TNRC6A: variants seen among roughly 807,000 people sequenced by gnomAD.
TNRC6A encodes the protein trinucleotide repeat-containing gene 6A protein.
Under a neutral mutation model 221.2 loss-of-function variants are expected in TNRC6A, and 44 were observed. The ratio of observed to expected loss-of-function variants is 0.20; its 90% CI spans 0.16 to 0.26. The LOEUF is 0.26. TNRC6A is among the 10% of genes least tolerant of loss of function. The pLI, the probability that TNRC6A is intolerant of heterozygous loss-of-function variation, is 1.00. For synonymous variants in TNRC6A, 847 were observed against 838.5 expected (o/e 1.01, Z -0.18); for missense variants, 2,199 against 2,404.4 (o/e 0.91, Z 1.79).
intron 1 of TNRC6A, among the ~76,000 whole-genome samples, chr16:24,640,294 G>A (rs1901871084): frequency 1.3e-5 from 2 of 152,000 alleles, no homozygotes; most frequent in South Asian, 4.1e-4. Flanking sequence ...TAGCTACTCA[G>A]GAGGCTGAGA....
intron 1 of TNRC6A, among the ~76,000 whole-genome samples, chr16:24,624,512 T>G (rs1389143700): frequency 6.6e-6 from 1 of 151,980 alleles, no homozygotes; most frequent in African/African-American, 2.4e-5. Context: ...AGGATCCCAC[T>G]CTGTTGCCCA....
chr16:24,638,969 G>T (rs2141733876), intron 1 of TNRC6A, among the ~76,000 whole-genome samples: 1 of 152,298 alleles, frequency 6.6e-6, no homozygotes, highest in Admixed American at 6.5e-5. Flanking sequence ...GTTGCCATTG[G>T]ATTGGGCAAC....
chr16:24,660,899 G>A (rs1322789599), intron 2 of TNRC6A, among the ~76,000 whole-genome samples: 1 of 151,498 alleles, frequency 6.6e-6, no homozygotes, highest in South Asian at 2.1e-4. Flanking sequence ...CCGCCACCAC[G>A]CCAGGCTAAT....
At chr16:24,665,779 AACT>A (rs1433409586) in intron 2 of TNRC6A, among the ~76,000 whole-genome samples, 1 of 152,148 alleles carries the variant, frequency 6.6e-6, no homozygotes, top group Non-Finnish European at 1.5e-5. Flanking sequence ...TCTGGTTGAG[AACT>A]ACTGCCTTGC....
At chr16:24,657,337 A>AC (rs1172746128) in intron 2 of TNRC6A, among the ~76,000 whole-genome samples, 42 of 134,214 alleles carry the variant, frequency 3.1e-4, no homozygotes, top group South Asian at 9.4e-4. Context: ...AAAAAAAAAA[A>AC]AAAAACAAAC....
chr16:24,700,769 G>A (rs1013992802), intron 2 of TNRC6A, among the ~76,000 whole-genome samples: 1 of 152,248 alleles, frequency 6.6e-6, no homozygotes, highest in South Asian at 2.1e-4. Flanking sequence ...TGTTTCAGCC[G>A]ATCCCTGACC....
intron 5 of TNRC6A, among the ~76,000 whole-genome samples, chr16:24,781,178 C>T (rs1248698526): frequency 6.7e-6 from 1 of 150,082 alleles, no homozygotes; most frequent in Non-Finnish European, 1.5e-5. Context: ...CTCAGTGAGT[C>T]TCCCTGAGTA....
intron 2 of TNRC6A, among the ~76,000 whole-genome samples, chr16:24,712,804 A>C (rs1432475852): frequency 6.6e-6 from 1 of 152,130 alleles, no homozygotes; most frequent in Non-Finnish European, 1.5e-5. Flanking sequence ...CCCAGGCTAG[A>C]GTGCAGTGGC....
chr16:24,701,947 T>C (rs974161868), intron 2 of TNRC6A, among the ~76,000 whole-genome samples: 1 of 151,770 alleles, frequency 6.6e-6, no homozygotes, highest in African/African-American at 2.4e-5. Flanking sequence ...CACACTCCTA[T>C]AAAGAAGCCT....
chr16:24,729,690 G>GCGGCGGTGT lies in TNRC6A; in HGVS notation c.-146_-145insTGTCGGCGG. On this transcript the variant is annotated 5_prime_UTR_variant, in exon 1 of 25. Coordinates refer to ENST00000395799, the MANE Select transcript of TNRC6A (RefSeq NM_014494.4). ...GCCTGCGGCGGCGGCGGTGTCGGCG[G>GCGGCGGTGT]CGGCGGCGGCGGCGGCGGCGGCGGC... The GCGGCGGTGT allele has an allele frequency of 1.7e-6, 1 of 585,616 alleles. No homozygotes were observed. Among genetic ancestry groups the GCGGCGGTGT allele is most frequent in the Non-Finnish European group, 2.3e-6 (1 of 438,960 alleles). The allele number at this position is 585,616 out of a possible 1,614,324, so 36.3% of individuals were successfully genotyped here.
At chr16:24,793,211 A>G (rs1005000509) in intron 6 of TNRC6A, 1 of 262,946 alleles carries the variant, frequency 3.8e-6, no homozygotes, top group Non-Finnish European at 7.1e-6. Flanking sequence ...GTGGTTTTCC[A>G]TAACTATGCA....
At chr16:24,724,144 G>A (rs2056455956) in intron 2 of TNRC6A, among the ~76,000 whole-genome samples, 4 of 152,174 alleles carry the variant, frequency 2.6e-5, no homozygotes, top group Admixed American at 2.6e-4. Context: ...AAGAGGTGGT[G>A]TTACAAAACA....
At chr16:24,735,563 G>C (rs115910707) in intron 2 of TNRC6A, among the ~76,000 whole-genome samples, 2,374 of 152,116 alleles carry the variant, frequency 0.016, 78 homozygotes, top group African/African-American at 0.055. Context: ...GCAATTAGGT[G>C]GTAAATCACT....
At chr16:24,641,376 G>A (rs1216450769) in intron 2 of TNRC6A, among the ~76,000 whole-genome samples, 1 of 152,180 alleles carries the variant, frequency 6.6e-6, no homozygotes, top group East Asian at 1.9e-4. Flanking sequence ...ATGTGTGGGA[G>A]GATGGAGAAG....
chr16:24,805,178 T>C, intron 14 of TNRC6A, 27 bp downstream of exon 14: 2 of 1,609,856 alleles, frequency 1.2e-6, no homozygotes, highest in Non-Finnish European at 1.7e-6. Context: ...TACATTCTCC[T>C]GTTTACCTGC....
chr16:24,730,278 G>A lies in TNRC6A; in HGVS notation c.31G>A (p.Asp11Asn). The A allele has an allele frequency of 9.4e-6, 15 of 1,603,204 alleles. No homozygotes were observed. Among genetic ancestry groups the A allele is most frequent in the Non-Finnish European group, 1.3e-5 (15 of 1,176,126 alleles). The change falls in exon 2 of 25, where the codon GAC becomes AAC. Residue 11 changes from aspartate to asparagine, a missense_variant. By Grantham distance (23) the Asp-to-Asn change is conservative. This residue lies in a region of TNRC6A where 1,405 missense variants were observed against 1,400.2 expected (regional missense o/e 1.00). Coordinates refer to ENST00000395799, the MANE Select transcript of TNRC6A (RefSeq NM_014494.4). ...AGAATTGGAAGCTAAAGCTACCAAA[G>A]ACGTAGAAAGAAATCTTAGCAGGTA... MRELEAKATK[D>N]VERNLSRDLV...
At chr16:24,733,160 A>T (rs932141952) in intron 2 of TNRC6A, among the ~76,000 whole-genome samples, 4 of 152,180 alleles carry the variant, frequency 2.6e-5, no homozygotes, top group African/African-American at 7.2e-5. Context: ...GAGAGCCGAG[A>T]TTGTGCCACT....
chr16:24,652,863 T>G (rs1902750372), intron 2 of TNRC6A, among the ~76,000 whole-genome samples: 1 of 152,198 alleles, frequency 6.6e-6, no homozygotes, highest in African/African-American at 2.4e-5. Context: ...GTTTAATCCT[T>G]ATCCCAAACT....
intron 17 of TNRC6A, 44 bp from the exon 18 acceptor site, chr16:24,809,306 G>A: frequency 6.9e-7 from 1 of 1,450,758 alleles, no homozygotes; most frequent in Non-Finnish European, 9.2e-7. Context: ...GAAAGAAAAT[G>A]TGCTGTATTT....
Sources: allele counts gnomAD v4.1 joint callset (sites outside exome capture counted in the v4.1 genomes callset), GRCh38; gene constraint gnomAD v4.1.1; regional missense constraint gnomAD v4.1.1; transcripts MANE v1.5; gene names NCBI Gene and HGNC (gene_info 2026-07-23, HGNC 2026-07-21).